ANO2: variants seen among roughly 807,000 people sequenced by gnomAD.
ANO2 encodes the protein anoctamin 2.
A neutral mutation model predicts 124.2 loss-of-function variants in ANO2; 101 were observed. That is an observed-to-expected ratio of 0.81 (90% CI 0.69 to 0.96). The LOEUF is 0.96. Among genes scored for constraint, ANO2 ranks in the 40% least tolerant of loss-of-function variants. The pLI, the probability that ANO2 is intolerant of heterozygous loss-of-function variation, is 0.00. For missense variants in ANO2, 1,293 were observed against 1,274.5 expected (o/e 1.01, Z -0.22); for synonymous variants, 486 against 482.5 (o/e 1.01, Z -0.09).
Position 5,921,131 on chromosome 12 carries a change from A to G in ANO2, c.443T>C (p.Leu148Pro). Residue 148 changes from leucine (L) to proline (P), a missense_variant, in exon 3 of 25, where the codon CTC (leucine) becomes CCC (proline). Leu to Pro is a moderately conservative substitution (Grantham distance 98). Coordinates refer to ENST00000682330, the MANE Select transcript of ANO2 (RefSeq NM_001364791.2). Reference protein sequence around the residue: ...GGPGDIELGPLDALEEERKEQ... With the variant: ...GGPGDIELGPPDALEEERKEQ... Reference sequence around the variant, plus strand: ...CTTCCTCTCCTCCTCCAGGGCATCGAGCGGTCCCAGCTCAATGTCACCTGG... The same window carrying G: ...CTTCCTCTCCTCCTCCAGGGCATCGGGCGGTCCCAGCTCAATGTCACCTGG... 1 of 1,613,924 alleles carries G rather than the reference A, an allele frequency of 6.2e-7. No individual in the cohort carries two copies. The highest frequency in any genetic ancestry group is 8.5e-7 in the Non-Finnish European group (1 of 1,179,880).
chr12:5,654,235 G>A (rs1485110336), intron 14 of ANO2, among the ~76,000 whole-genome samples: 3 of 152,168 alleles, frequency 2.0e-5, no homozygotes, highest in African/African-American at 7.2e-5. Flanking sequence ...TGGCTAGTGA[G>A]TGACTTCATT....
intron 14 of ANO2, among the ~76,000 whole-genome samples, chr12:5,723,260 C>A (rs1950307567): frequency 6.6e-6 from 1 of 152,172 alleles, no homozygotes; most frequent in Non-Finnish European, 1.5e-5. Context: ...GATGTGGTGG[C>A]CGTGAAGGCT....
At chr12:5,701,087 A>ATT (rs56113538) in intron 14 of ANO2, among the ~76,000 whole-genome samples, 31,734 of 93,668 alleles carry the variant, frequency 0.34, 5,971 homozygotes, top group East Asian at 0.5. Context: ...GTCATTTTCA[A>ATT]TTTTTTTTTT....
At chr12:5,677,452 T>C (rs1948298375) in intron 14 of ANO2, among the ~76,000 whole-genome samples, 1 of 152,172 alleles carries the variant, frequency 6.6e-6, no homozygotes. Flanking sequence ...CCCCTCTCTA[T>C]CCCTATTCTT....
chr12:5,776,309 T>C (rs1952231106), intron 10 of ANO2, among the ~76,000 whole-genome samples: 1 of 152,342 alleles, frequency 6.6e-6, no homozygotes, highest in Non-Finnish European at 1.5e-5. Context: ...GCAGCTGTGA[T>C]AGGTGAATAT....
intron 3 of ANO2, among the ~76,000 whole-genome samples, chr12:5,897,633 G>C (rs138863280): frequency 6.6e-6 from 1 of 152,080 alleles, no homozygotes; most frequent in Non-Finnish European, 1.5e-5. Flanking sequence ...TAATCCAGCA[G>C]AGCAATGAGG....
intron 16 of ANO2, among the ~76,000 whole-genome samples, chr12:5,619,045 T>C (rs1156339446): frequency 6.6e-6 from 1 of 152,190 alleles, no homozygotes; most frequent in Non-Finnish European, 1.5e-5. Flanking sequence ...ACTGGTGCAT[T>C]ACCAACAACC....
At chr12:5,699,382 A>G (rs1164251914) in intron 14 of ANO2, among the ~76,000 whole-genome samples, 2 of 152,184 alleles carry the variant, frequency 1.3e-5, no homozygotes, top group African/African-American at 4.8e-5. Context: ...CTTTACAAAC[A>G]AGCAAATGCT....
chr12:5,751,824 G>T (rs770183040), intron 10 of ANO2, among the ~76,000 whole-genome samples: 4 of 152,014 alleles, frequency 2.6e-5, no homozygotes, highest in African/African-American at 9.7e-5. Context: ...GTAGATCTCC[G>T]GGCATATATG....
At chr12:5,719,228 T>G (rs1313882444) in intron 14 of ANO2, among the ~76,000 whole-genome samples, 2 of 152,212 alleles carry the variant, frequency 1.3e-5, no homozygotes, top group African/African-American at 4.8e-5. Flanking sequence ...AGGTTTCTTT[T>G]TGGTGGCCTG....
At chr12:5,629,536 C>T (rs1042629552) in intron 16 of ANO2, among the ~76,000 whole-genome samples, 6 of 152,314 alleles carry the variant, frequency 3.9e-5, no homozygotes, top group Admixed American at 1.3e-4. Context: ...TATCCTCCTA[C>T]CATGCTGCAG....
intron 20 of ANO2, 130 bp from the exon 21 acceptor site, chr12:5,578,648 C>G: frequency 1.1e-6 from 1 of 908,666 alleles, no homozygotes; most frequent in Non-Finnish European, 1.6e-6. Flanking sequence ...TTTTAGTCTC[C>G]CTTTTCCTCC....
chr12:5,629,957 ACT>A (rs1243623808), intron 16 of ANO2, among the ~76,000 whole-genome samples: 1 of 152,094 alleles, frequency 6.6e-6, no homozygotes, highest in African/African-American at 2.4e-5. Flanking sequence ...GAGGACAATC[ACT>A]GTTTTTATCC....
intron 3 of ANO2, among the ~76,000 whole-genome samples, chr12:5,912,909 C>T (rs751600130): frequency 1.3e-5 from 2 of 152,148 alleles, no homozygotes; most frequent in Admixed American, 6.5e-5. Context: ...ACAGTAGAGA[C>T]GAGGGCATCA....
chr12:5,824,738 T>C (rs1183762114), intron 7 of ANO2, among the ~76,000 whole-genome samples: 1 of 152,174 alleles, frequency 6.6e-6, no homozygotes, highest in Non-Finnish European at 1.5e-5. Context: ...TTTACTGTAA[T>C]AGTCCATTTT....
rs965340243 is a variant in ANO2 at position 5,715,791 on chromosome 12, G to A, written c.1545+16729C>T. On this transcript the variant is annotated intron_variant, in intron 14 of 24. Coordinates refer to ENST00000682330, the MANE Select transcript of ANO2 (RefSeq NM_001364791.2). ...ATGGGCAAAGAGGAACCCAGAAACC[G>A]AATAAAGATCTTGAGCTTCTGGTAA... Among the ~76,000 whole-genome samples, 13 of 152,148 alleles carry A rather than the reference G, an allele frequency of 8.5e-5. No individual in the cohort carries two copies. The East Asian group carries it at 1.2e-3, about 14-fold the overall frequency.
chr12:5,565,522 G>C, intron 24 of ANO2, 36 bp downstream of exon 24: 1 of 1,527,156 alleles, frequency 6.5e-7, no homozygotes, highest in Non-Finnish European at 8.9e-7. Context: ...CTGCAGCCCG[G>C]ATTCGAATGG....
At chr12:5,676,357 T>C (rs1948242067) in intron 14 of ANO2, among the ~76,000 whole-genome samples, 1 of 152,178 alleles carries the variant, frequency 6.6e-6, no homozygotes, top group Admixed American at 6.5e-5. Flanking sequence ...AACAAAAAGA[T>C]GCCCCTCTGT....
intron 6 of ANO2, among the ~76,000 whole-genome samples, chr12:5,829,595 C>G (rs758918629): frequency 2.6e-5 from 4 of 152,192 alleles, no homozygotes; most frequent in Non-Finnish European, 5.9e-5. Flanking sequence ...AACTTCAGTT[C>G]TTTGGTAAGG....
Sources: gnomAD v4.1 joint callset for allele counts (sites outside exome capture counted in the v4.1 genomes callset) on GRCh38, gnomAD v4.1.1 for gene constraint, MANE v1.5 for transcripts, NCBI Gene and HGNC (gene_info 2026-07-23, HGNC 2026-07-21) for gene names.